Variants in NEGR1 observed in about 807,000 individuals in gnomAD.
NEGR1 encodes the protein neuronal growth regulator 1, also known as IgLON family member 4.
Under a neutral mutation model 40.9 loss-of-function variants are expected in NEGR1, and 10 were observed. That is an observed-to-expected ratio of 0.24 (90% CI 0.15 to 0.42). The LOEUF (loss-of-function observed/expected upper bound fraction) is 0.42. Ranked by LOEUF, NEGR1 falls within the 10% of genes least tolerant of loss-of-function variation. NEGR1 has a pLI of 1.00. For synonymous variants in NEGR1, 185 were observed against 166.8 expected (o/e 1.11, Z -0.84); for missense variants, 352 against 438.9 (o/e 0.80, Z 1.77).
At chr1:71,943,733 T>C (rs1449042323) in intron 1 of NEGR1, among the ~76,000 whole-genome samples, 1 of 152,200 alleles carries the variant, frequency 6.6e-6, no homozygotes, top group Admixed American at 6.5e-5. Flanking sequence ...GGTCTGTTAC[T>C]AATTACTATC....
At chr1:72,074,586 G>A (rs562402593) in intron 1 of NEGR1, among the ~76,000 whole-genome samples, 3 of 152,026 alleles carry the variant, frequency 2.0e-5, no homozygotes, top group Admixed American at 6.6e-5. Flanking sequence ...ACTTTTCGAC[G>A]TAAGTGAAAG....
At chr1:72,189,684 G>A (rs1191071684) in intron 1 of NEGR1, among the ~76,000 whole-genome samples, 1 of 151,516 alleles carries the variant, frequency 6.6e-6, no homozygotes, top group Non-Finnish European at 1.5e-5. Context: ...TGCATAAGAA[G>A]ATAGAGGTTA....
chr1:71,625,142 T>A (rs764839204), intron 4 of NEGR1, among the ~76,000 whole-genome samples: 2 of 152,074 alleles, frequency 1.3e-5, no homozygotes. Flanking sequence ...AACATTTTTG[T>A]AGTATTATCA....
At chr1:71,627,486 C>T (rs967022030) in intron 4 of NEGR1, among the ~76,000 whole-genome samples, 4 of 151,920 alleles carry the variant, frequency 2.6e-5, no homozygotes, top group African/African-American at 9.7e-5. Context: ...TAGACTAATG[C>T]CATTTTTTAG....
chr1:71,795,476 A>G (rs374574621), intron 2 of NEGR1, among the ~76,000 whole-genome samples: 7 of 152,218 alleles, frequency 4.6e-5, no homozygotes, highest in South Asian at 2.1e-4. Flanking sequence ...CCACTCCTGA[A>G]AAACTTGAAT....
In NEGR1 at chr1:71,429,997, G is replaced by A. The variant is rs187106182; in HGVS notation, c.941-22427C>T. On this transcript the variant is annotated intron_variant, in intron 6 of 6. Transcript: ENST00000357731. The stretch of plus-strand genomic sequence containing the variant: ...TTGCCAGCCCCTGCCTCTCTTCTCA[G>A]AAAGGTAATTATCTCCTAGGACAGA... Among the ~76,000 whole-genome samples, 692 of 152,278 alleles carry A rather than the reference G, an allele frequency of 4.5e-3. 5 individuals carry two copies. The highest frequency in any genetic ancestry group is 0.016 in the African/African-American group (656 of 41,554).
chr1:71,708,637 T>C (rs925353255), intron 3 of NEGR1, among the ~76,000 whole-genome samples: 2 of 152,078 alleles, frequency 1.3e-5, no homozygotes, highest in Admixed American at 1.3e-4. Context: ...ATATACAGAA[T>C]GTGCAGGCTT....
At chr1:72,143,987 C>T (rs1049241108) in intron 1 of NEGR1, among the ~76,000 whole-genome samples, 10 of 144,494 alleles carry the variant, frequency 6.9e-5, no homozygotes, top group African/African-American at 2.5e-4. Flanking sequence ...TAAGAAAGAC[C>T]TGAGATGGTC....
At chr1:71,844,274 T>G (rs955213277) in intron 2 of NEGR1, among the ~76,000 whole-genome samples, 2 of 152,126 alleles carry the variant, frequency 1.3e-5, no homozygotes, top group African/African-American at 4.8e-5. Flanking sequence ...TGCAAGAATT[T>G]TATGAAGTGG....
At chr1:72,241,459 A>T (rs938803457) in intron 1 of NEGR1, among the ~76,000 whole-genome samples, 1 of 151,532 alleles carries the variant, frequency 6.6e-6, no homozygotes, top group African/African-American at 2.4e-5. Context: ...TCAAAAGAAA[A>T]TGGTCAATGA....
At chr1:72,159,705 C>T (rs1651485418) in intron 1 of NEGR1, among the ~76,000 whole-genome samples, 1 of 152,004 alleles carries the variant, frequency 6.6e-6, no homozygotes, top group Non-Finnish European at 1.5e-5. Flanking sequence ...ATATAATTTA[C>T]TTGCTGCTGC....
chr1:72,264,580 T>C (rs1008445876), intron 1 of NEGR1, among the ~76,000 whole-genome samples: 2 of 150,828 alleles, frequency 1.3e-5, no homozygotes, highest in Non-Finnish European at 3.0e-5. Context: ...TCTTTGTTGA[T>C]ATCTTATGCT....
At chr1:72,268,130 A>G (rs1382581111) in intron 1 of NEGR1, among the ~76,000 whole-genome samples, 1 of 151,388 alleles carries the variant, frequency 6.6e-6, no homozygotes, top group Non-Finnish European at 1.5e-5. Context: ...CAAACAGAAT[A>G]CACCAAATAC....
At chr1:71,564,859 A>T (rs905819719) in intron 6 of NEGR1, among the ~76,000 whole-genome samples, 2 of 152,148 alleles carry the variant, frequency 1.3e-5, no homozygotes, top group Non-Finnish European at 2.9e-5. Context: ...GCCCTATGAC[A>T]TTAGGTTACT....
chr1:71,966,021 T>C (rs894274561), intron 1 of NEGR1, among the ~76,000 whole-genome samples: 2 of 152,214 alleles, frequency 1.3e-5, no homozygotes, highest in Non-Finnish European at 2.9e-5. Context: ...TCAATAACCA[T>C]GTGCTAAACA....
chr1:71,591,949 C>T (rs774400192), intron 6 of NEGR1, among the ~76,000 whole-genome samples: 4 of 151,912 alleles, frequency 2.6e-5, no homozygotes, highest in Non-Finnish European at 5.9e-5. Context: ...ATAACAAGAT[C>T]GTAAGACAAA....
At chr1:71,567,089 G>C (rs1019232781) in intron 6 of NEGR1, among the ~76,000 whole-genome samples, 5 of 152,110 alleles carry the variant, frequency 3.3e-5, no homozygotes, top group Non-Finnish European at 5.9e-5. Context: ...AAGATTTCTG[G>C]TTTCTTGCAG....
intron 1 of NEGR1, among the ~76,000 whole-genome samples, chr1:71,958,380 A>G (rs147098702): frequency 1.1e-4 from 17 of 152,316 alleles, no homozygotes; most frequent in African/African-American, 3.6e-4. Context: ...AGCCTAATTT[A>G]TAACTGGAAA....
intron 1 of NEGR1, among the ~76,000 whole-genome samples, chr1:71,958,473 C>G (rs17091998): frequency 0.023 from 3,500 of 152,238 alleles, 121 homozygotes; most frequent in African/African-American, 0.079. Flanking sequence ...AGGAGACTTT[C>G]TCATACTCCA....
Sources: gnomAD v4.1 joint callset for allele counts (sites outside exome capture counted in the v4.1 genomes callset) on GRCh38, gnomAD v4.1.1 for gene constraint, MANE v1.5 for transcripts, NCBI Gene and HGNC (gene_info 2026-07-23, HGNC 2026-07-21) for gene names.